The following MCF2L variants were observed in gnomAD, a reference collection of about 807,000 sequenced individuals.
The protein encoded by MCF2L is guanine nucleotide exchange factor DBS.
In MCF2L, 97 loss-of-function variants were observed where a neutral mutation model predicts 153.4. The observed-to-expected ratio is 0.63, with a 90% confidence interval of 0.54 to 0.75. The LOEUF (loss-of-function observed/expected upper bound fraction) is 0.75. MCF2L is among the 30% of genes least tolerant of loss of function. The pLI is 0.00. For missense variants in MCF2L, 1,347 were observed against 1,495.2 expected (o/e 0.90, Z 1.64); for synonymous variants, 659 against 632.2 (o/e 1.04, Z -0.64).
At chr13:112,914,731 GT>G (rs1223374431) in intron 2 of MCF2L, among the ~76,000 whole-genome samples, 3 of 151,962 alleles carry the variant, frequency 2.0e-5, no homozygotes, top group Non-Finnish European at 4.4e-5. Context: ...TCTCATTTAT[GT>G]TTTTATCTTT....
chr13:112,920,744 C>A (rs1016831566), intron 2 of MCF2L, among the ~76,000 whole-genome samples: 2 of 151,436 alleles, frequency 1.3e-5, no homozygotes, highest in African/African-American at 4.9e-5. Context: ...AGGGAGGACC[C>A]GACCGAGCTC....
intron 2 of MCF2L, among the ~76,000 whole-genome samples, chr13:112,945,684 T>C (rs2081629782): frequency 6.6e-6 from 1 of 152,210 alleles, no homozygotes; most frequent in South Asian, 2.1e-4. Flanking sequence ...CATGCCCTGG[T>C]CTGCGAAATG....
chr13:112,978,033 C>T (rs1750534220), intron 1 of MCF2L, among the ~76,000 whole-genome samples: 1 of 152,226 alleles, frequency 6.6e-6, no homozygotes, highest in Non-Finnish European at 1.5e-5. Context: ...GGGATCATGC[C>T]ACTGCATTCC....
chr13:113,022,772 C>T (rs534284839), intron 2 of MCF2L, among the ~76,000 whole-genome samples: 37 of 152,350 alleles, frequency 2.4e-4, no homozygotes, highest in African/African-American at 8.7e-4. Flanking sequence ...GAGCCCCCAC[C>T]GCGGCGGCGG....
chr13:113,096,713 TG>T, intron 29 of MCF2L, 60 bp downstream of exon 29: 1 of 1,553,446 alleles, frequency 6.4e-7, no homozygotes, highest in African/African-American at 1.4e-5. Flanking sequence ...GCGAGGAAGC[TG>T]CCCCGTGTGT....
intron 3 of MCF2L, chr13:113,044,307 C>T (rs1004021544): frequency 9.3e-5 from 30 of 322,434 alleles, no homozygotes; most frequent in Admixed American, 4.0e-4. Flanking sequence ...GTCACTGCCT[C>T]GTCTTCATGT....
chr13:112,920,771 T>C (rs974981405), intron 2 of MCF2L, among the ~76,000 whole-genome samples: 2 of 151,692 alleles, frequency 1.3e-5, no homozygotes, highest in African/African-American at 4.8e-5. Flanking sequence ...GTGGACAGGA[T>C]TCAGAAGGTG....
In MCF2L at chr13:113,046,912, G is replaced by A. The variant is rs539364375; in HGVS notation, c.369+1551G>A. On this transcript the variant is annotated intron_variant, in intron 4 of 29. Transcript: ENST00000535094. The surrounding 1 kb of genome is among the most constrained non-coding windows in gnomAD (Gnocchi z 4.4). ...TTTGCTTTTGCGTCACTATAAAGAC[G>A]TACTTGAGCTGGGTAATTGATAAAG... 8.9e-5 allele frequency: 21 copies of A among 235,022 alleles called. No individual in the cohort carries two copies. The highest frequency in any genetic ancestry group is 1.9e-4 in the African/African-American group (8 of 43,066). The allele number at this position is 235,022 out of a possible 1,614,324, so 14.6% of individuals were successfully genotyped here.
intron 1 of MCF2L, chr13:112,985,348 G>A: frequency 2.1e-6 from 1 of 467,686 alleles, no homozygotes; most frequent in Non-Finnish European, 4.4e-6. Context: ...CGAGCCCAGG[G>A]CAGCGCGCGT....
intron 2 of MCF2L, among the ~76,000 whole-genome samples, chr13:112,944,569 CTTTT>C (rs34676086): frequency 2.0e-5 from 2 of 102,170 alleles, no homozygotes; most frequent in Non-Finnish European, 3.9e-5. Flanking sequence ...TAAACCTGAA[CTTTT>C]TTTTTTTTTT....
Position 113,099,431 on chromosome 13 carries a change from T to G in MCF2L, c.*2572T>G, listed in dbSNP as rs2035834980. ...ATGCGGGCAGTCTGCTCTCTAGAAC[T>G]GGACAGCGTGCACAGAGCCACGGGA... On this transcript the variant is annotated 3_prime_UTR_variant, in exon 30 of 30. Coordinates refer to ENST00000535094, the MANE Select transcript of MCF2L (RefSeq NM_001112732.3). The G allele has an allele frequency of 6.6e-6, 1 of 152,216 alleles. No homozygotes were observed. The highest frequency in any genetic ancestry group is 1.5e-5 in the Non-Finnish European group (1 of 68,048). The allele number at this position is 152,216 out of a possible 1,614,324, so 9.4% of individuals were successfully genotyped here.
intron 2 of MCF2L, chr13:112,909,210 A>G (rs1453942061): frequency 9.0e-6 from 7 of 779,138 alleles, no homozygotes; most frequent in Non-Finnish European, 1.4e-5. Flanking sequence ...CCTGTAACCA[A>G]CCTCTCCCCA....
intron 26 of MCF2L, chr13:113,090,592 CG>C: frequency 1.0e-6 from 1 of 985,418 alleles, no homozygotes; most frequent in Non-Finnish European, 1.2e-6. Context: ...ACCCTTGAGA[CG>C]GAGACGTCTA....
At chr13:112,955,548 C>G in intron 2 of MCF2L, among the ~76,000 whole-genome samples, 1 of 152,282 alleles carries the variant, frequency 6.6e-6, no homozygotes, top group South Asian at 2.1e-4. Context: ...CTTTGTGACC[C>G]CATTTTACAG....
At chr13:112,994,320 ACTGT>A (rs1164359920) in intron 1 of MCF2L, among the ~76,000 whole-genome samples, 1 of 149,184 alleles carries the variant, frequency 6.7e-6, no homozygotes, top group African/African-American at 2.5e-5. Flanking sequence ...AGCTGACGTC[ACTGT>A]CTGTGCCGGT....
intron 1 of MCF2L, among the ~76,000 whole-genome samples, chr13:112,973,282 G>A (rs1013081576): frequency 3.3e-5 from 5 of 152,188 alleles, no homozygotes; most frequent in South Asian, 4.1e-4. Flanking sequence ...AGGCCCTTTA[G>A]GAGAAAAACC....
chr13:112,928,814 C>T (rs542110215), intron 2 of MCF2L, among the ~76,000 whole-genome samples: 34 of 152,340 alleles, frequency 2.2e-4, no homozygotes, highest in African/African-American at 4.6e-4. Flanking sequence ...GAGGGATGTG[C>T]GTGCTCCTCA....
intron 1 of MCF2L, among the ~76,000 whole-genome samples, chr13:113,000,111 CG>C (rs2083300077): frequency 6.6e-6 from 1 of 152,154 alleles, no homozygotes; most frequent in Non-Finnish European, 1.5e-5. Context: ...TGGCCTCCCC[CG>C]GGGCTCGTGT....
At chr13:113,080,653 G>C (rs1348853024) in intron 15 of MCF2L, among the ~76,000 whole-genome samples, 4 of 152,232 alleles carry the variant, frequency 2.6e-5, no homozygotes, top group African/African-American at 9.6e-5. Flanking sequence ...GGTGGGTGCA[G>C]GGTCACTCCC....
Sources: gnomAD v4.1 joint callset for allele counts (sites outside exome capture counted in the v4.1 genomes callset) on GRCh38, gnomAD v4.1.1 for gene constraint, Gnocchi (gnomAD v3.1) non-coding constraint, MANE v1.5 for transcripts, NCBI Gene and HGNC (gene_info 2026-07-23, HGNC 2026-07-21) for gene names.